D2HGDH: variants seen among roughly 807,000 people sequenced by gnomAD.
D2HGDH encodes D-2-hydroxyglutarate dehydrogenase, mitochondrial.
Under a neutral mutation model 46.9 loss-of-function variants are expected in D2HGDH, and 31 were observed. That is an observed-to-expected ratio of 0.66 (90% CI 0.50 to 0.89). D2HGDH has a LOEUF of 0.89. Among genes scored for constraint, D2HGDH ranks in the 40% least tolerant of loss-of-function variants. The pLI is 0.00. For synonymous variants in D2HGDH, 364 were observed against 332.6 expected (o/e 1.09, Z -1.03); for missense variants, 698 against 720.8 (o/e 0.97, Z 0.36).
At chr2:241,764,671 G>A (rs767620414) in intron 9 of D2HGDH, among the ~76,000 whole-genome samples, 4 of 152,246 alleles carry the variant, frequency 2.6e-5, no homozygotes, top group Non-Finnish European at 4.4e-5. Context: ...TGGATCTGCC[G>A]CTTCTCAGTT....
intron 9 of D2HGDH, among the ~76,000 whole-genome samples, chr2:241,764,169 C>G (rs977806327): frequency 6.8e-6 from 1 of 146,308 alleles, no homozygotes; most frequent in Admixed American, 6.7e-5. Context: ...AGCACGCATC[C>G]GTGGGGACTG....
At chr2:241,757,229 A>G (rs1698274095) in intron 9 of D2HGDH, among the ~76,000 whole-genome samples, 1 of 152,206 alleles carries the variant, frequency 6.6e-6, no homozygotes, top group African/African-American at 2.4e-5. Context: ...TAACTTGCCC[A>G]AAGTTGCCCA....
intron 6 of D2HGDH, 94 bp downstream of exon 6, chr2:241,744,971 G>GGCCCCCCCC (rs1695459059): frequency 6.9e-7 from 1 of 1,441,026 alleles, no homozygotes; most frequent in African/African-American, 1.7e-5. Context: ...GGGATGGAGG[G>GGCCCCCCCC]ACCCCCCGCC....
chr2:241,749,267 G>C, intron 6 of D2HGDH: 1 of 1,271,746 alleles, frequency 7.9e-7, no homozygotes, highest in South Asian at 1.3e-5. Flanking sequence ...CGGGTCACAG[G>C]CCTTGAGGTG....
intron 2 of D2HGDH, among the ~76,000 whole-genome samples, chr2:241,736,516 T>C (rs1692868436): frequency 6.6e-6 from 1 of 152,070 alleles, no homozygotes; most frequent in African/African-American, 2.4e-5. Flanking sequence ...TACTCCAGTC[T>C]CTGCCTCTGT....
Position 241,750,143 on chromosome 2 carries a change from C to G in D2HGDH, c.854-8C>G, listed in dbSNP as rs758727451. 3 of 1,613,898 alleles carry G rather than the reference C, an allele frequency of 1.9e-6. No individual in the cohort carries two copies. The highest frequency in any genetic ancestry group is 8.5e-7 in the Non-Finnish European group (1 of 1,180,024). ...GTGTGGTGCTTGACATGCTGTGACC[C>G]GTTTCAGGCTGCCCAGGCTTTGCTG... On this transcript the variant is annotated splice_polypyrimidine_tract_variant and splice_region_variant and intron_variant, in intron 6 of 9. Transcript: ENST00000321264.
intron 2 of D2HGDH, 35 bp from the exon 3 acceptor site, chr2:241,740,998 C>G (rs754751582): frequency 6.3e-7 from 1 of 1,594,850 alleles, no homozygotes; most frequent in Admixed American, 1.7e-5. Context: ...GCAGCTCCCC[C>G]CACGCTGTCT....
chr2:241,750,672 G>A (rs1003621629), intron 7 of D2HGDH, among the ~76,000 whole-genome samples: 3 of 152,114 alleles, frequency 2.0e-5, no homozygotes, highest in African/African-American at 7.2e-5. Context: ...TGGGAAAAAA[G>A]CCAATAATTT....
At chr2:241,767,574 G>A (rs1402237778) in intron 9 of D2HGDH, 136 bp from the exon 10 acceptor site, 9 of 1,265,740 alleles carry the variant, frequency 7.1e-6, no homozygotes, top group Non-Finnish European at 8.9e-6. Context: ...CGTCCAGGGC[G>A]AGTGGCATGA....
intron 9 of D2HGDH, among the ~76,000 whole-genome samples, chr2:241,764,647 G>A (rs890160613): frequency 6.6e-6 from 1 of 152,238 alleles, no homozygotes; most frequent in Non-Finnish European, 1.5e-5. Flanking sequence ...GACCTGAGTT[G>A]GGGGAGCTTT....
intron 6 of D2HGDH, chr2:241,749,205 C>T: frequency 5.4e-6 from 5 of 927,494 alleles, no homozygotes; most frequent in Non-Finnish European, 7.1e-6. Context: ...CCACCACCAC[C>T]TCCCACACCC....
chr2:241,749,847 C>T (rs566298412), intron 6 of D2HGDH: 2 of 431,582 alleles, frequency 4.6e-6, no homozygotes, highest in East Asian at 4.9e-5. Context: ...TGACACCAGG[C>T]GTGCCCTGCC....
At position 241,756,694 on chromosome 2, in the gene D2HGDH, G is replaced by A. The variant is rs982322462; in HGVS notation, c.1306+680G>A. On this transcript the variant is annotated intron_variant, in intron 9 of 9. Transcript: ENST00000321264. Reference sequence around the variant, plus strand: ...CCACCACCAGGCCTGGCTAATTTTTGTATTTTTAGTAGAGACAGGGTTTTG... The same window carrying A: ...CCACCACCAGGCCTGGCTAATTTTTATATTTTTAGTAGAGACAGGGTTTTG... Among the ~76,000 whole-genome samples, 147 of 152,232 alleles carry A rather than the reference G, an allele frequency of 9.7e-4. 1 individual carries two copies. Among genetic ancestry groups the A allele is most frequent in the Non-Finnish European group, 1.3e-3 (89 of 68,014 alleles).
intron 6 of D2HGDH, among the ~76,000 whole-genome samples, chr2:241,748,463 G>A (rs1696451065): frequency 6.6e-6 from 1 of 152,202 alleles, no homozygotes; most frequent in Non-Finnish European, 1.5e-5. Flanking sequence ...AGCGTTTGTG[G>A]TGTTTTCACT....
chr2:241,740,313 A>G (rs1694087592), intron 2 of D2HGDH, among the ~76,000 whole-genome samples: 1 of 152,168 alleles, frequency 6.6e-6, no homozygotes, highest in Non-Finnish European at 1.5e-5. Flanking sequence ...TGAGGTGCAC[A>G]CACATCACGA....
chr2:241,757,088 C>T (rs895697789), intron 9 of D2HGDH, among the ~76,000 whole-genome samples: 8 of 152,328 alleles, frequency 5.3e-5, no homozygotes, highest in East Asian at 3.9e-4. Flanking sequence ...GTATTACTTA[C>T]GAAGGTCCCG....
At chr2:241,741,537 CTG>C (rs1694458937) in intron 3 of D2HGDH, among the ~76,000 whole-genome samples, 1 of 133,138 alleles carries the variant, frequency 7.5e-6, no homozygotes, top group African/African-American at 3.1e-5. Context: ...GTGGGGCTTG[CTG>C]CCTCCAGGGT....
intron 2 of D2HGDH, among the ~76,000 whole-genome samples, chr2:241,739,696 G>T (rs1055342485): frequency 6.6e-6 from 1 of 152,256 alleles, no homozygotes; most frequent in Admixed American, 6.5e-5. Flanking sequence ...AGCTCAGAGG[G>T]CTCCCACTGG....
intron 9 of D2HGDH, among the ~76,000 whole-genome samples, chr2:241,756,946 G>A (rs990855976): frequency 6.6e-6 from 1 of 152,174 alleles, no homozygotes; most frequent in African/African-American, 2.4e-5. Flanking sequence ...ATTCACTCTG[G>A]CTTCTTCCCT....
Sources: gnomAD v4.1 joint callset for allele counts (sites outside exome capture counted in the v4.1 genomes callset) on GRCh38, gnomAD v4.1.1 for gene constraint, MANE v1.5 for transcripts, NCBI Gene and HGNC (gene_info 2026-07-23, HGNC 2026-07-21) for gene names.